HSPA1L: variants seen among roughly 807,000 people sequenced by gnomAD.
HSPA1L encodes the protein heat shock protein family A (Hsp70) member 1 like.
In HSPA1L, 21 loss-of-function variants were observed where a neutral mutation model predicts 31.5. The observed-to-expected ratio is 0.67, with a 90% CI of 0.47 to 0.96. HSPA1L has a LOEUF of 0.96. Among genes scored for constraint, HSPA1L ranks in the 40% least tolerant of loss-of-function variants. The pLI, the probability that HSPA1L is intolerant of heterozygous loss-of-function variation, is 0.00. For synonymous variants in HSPA1L, 293 were observed against 323.1 expected (o/e 0.91, Z 1.00); for missense variants, 709 against 813.4 (o/e 0.87, Z 1.56).
chr6:31,814,204 CGAGACCATCCTG>C (rs1258951342), intron 1 of HSPA1L, among the ~76,000 whole-genome samples: 1 of 152,080 alleles, frequency 6.6e-6, no homozygotes, highest in East Asian at 1.9e-4. Flanking sequence ...GTCAGGAGAA[CGAGACCATCCTG>C]GCTACCATCC....
At position 31,810,632 on chromosome 6, in the gene HSPA1L, G is replaced by A. The variant is rs1562340252; in HGVS notation, c.1341C>T (p.Gly447=). The change falls in exon 2 of 2, where the codon GGC becomes GGT. Residue 447 remains glycine (G), a synonymous_variant. Coordinates refer to ENST00000375654, the MANE Select transcript of HSPA1L (RefSeq NM_005527.4). ...TGTTGTCCTTTGTCATGGCCCTCTC[G>A]CCCTCATACACCTGGATCAGCACCC... ...QPGVLIQVYE[G]ERAMTKDNNL... 4.3e-6 allele frequency: 7 copies of A among 1,613,862 alleles called. No individual in the cohort carries two copies. The highest frequency in any genetic ancestry group is 3.3e-5 in the South Asian group (3 of 91,080).
chr6:31,810,968 G>A lies in HSPA1L; in HGVS notation c.1005C>T (p.Asp335=). The A allele has an allele frequency of 6.2e-7, 1 of 1,614,190 alleles. No individual in the cohort carries two copies. Among genetic ancestry groups the A allele is most frequent in the South Asian group, 1.1e-5 (1 of 91,092 alleles). Residue 335 remains aspartate (D), a synonymous_variant, in exon 2 of 2, where the codon GAC becomes GAT. Coordinates refer to ENST00000375654, the MANE Select transcript of HSPA1L (RefSeq NM_005527.4). ...DAKMDKAKIH[D]IVLVGGSTRI... ...GGGTGGAGCCCCCTACTAAAACAAT[G>A]TCATGGATTTTAGCCTTATCCATCT...
chr6:31,811,666 G>T lies in HSPA1L; in HGVS notation c.307C>A (p.Pro103Thr). The T allele has an allele frequency of 6.2e-7, 1 of 1,614,162 alleles. No individual in the cohort carries two copies. The highest frequency in any genetic ancestry group is 8.5e-7 in the Non-Finnish European group (1 of 1,180,034). Residue 103 changes from proline to threonine, a missense_variant, in exon 2 of 2, where the codon CCC (proline) becomes ACC (threonine). By Grantham distance (38) the Pro-to-Thr change is conservative. Coordinates refer to ENST00000375654, the MANE Select transcript of HSPA1L (RefSeq NM_005527.4). ...CCTTTGTAGGACACAAGGACTTTGG[G>T]CTTGCCTCCTTCATTAATCACTTGA... ...PFQVINEGGK[P>T]KVLVSYKGEN...
chr6:31,810,597 C>T lies in HSPA1L; in HGVS notation c.1376G>A (p.Gly459Glu), dbSNP rs898088646. 6.8e-6 allele frequency: 11 copies of T among 1,613,948 alleles called. No homozygotes were observed. The African/African-American group carries it at 1.3e-4, about 20-fold the overall frequency. ...RAMTKDNNLL[G>E]RFDLTGIPPA... is the part of the protein sequence containing the mutation. ...AGGGATTCCAGTCAGGTCAAACCGC[C>T]CCAGCAGGTTGTTGTCCTTTGTCAT... The change falls in exon 2 of 2, where the codon GGG (glycine) becomes GAG (glutamate). Residue 459 changes from glycine to glutamate, a missense_variant. By Grantham distance (98) the Gly-to-Glu change is moderately conservative (BLOSUM62 -2). Coordinates refer to ENST00000375654, the MANE Select transcript of HSPA1L (RefSeq NM_005527.4).
At position 31,810,037 on chromosome 6, in the gene HSPA1L, C is replaced by T; in HGVS notation, c.*10G>A. On this transcript the variant is annotated 3_prime_UTR_variant, in exon 2 of 2. Transcript: ENST00000375654. The stretch of plus-strand genomic sequence containing the variant: ...AGAGGCATCCTAGGATGCTTCAGTT[C>T]TAAAAAGAATTAATCTACTTCTTCA... 1 of 1,412,058 alleles carries T rather than the reference C, an allele frequency of 7.1e-7. No homozygotes were observed. Among genetic ancestry groups the T allele is most frequent in the Non-Finnish European group, 9.2e-7 (1 of 1,081,362 alleles). 87.5% of individuals were successfully genotyped at this position (1,412,058 alleles called of 1,614,324 possible).
intron 1 of HSPA1L, among the ~76,000 whole-genome samples, chr6:31,812,461 C>T (rs1366649116): frequency 2.0e-5 from 3 of 152,028 alleles, no homozygotes; most frequent in Non-Finnish European, 4.4e-5. Flanking sequence ...ACGTGAGCCA[C>T]CGTGACCAGC....
Position 31,811,668 on chromosome 6 carries a change from T to A in HSPA1L, c.305A>T (p.Lys102Met), listed in dbSNP as rs749076420. 6.2e-7 allele frequency: 1 copy of A among 1,614,236 alleles called. No individual in the cohort carries two copies. Among genetic ancestry groups the A allele is most frequent in the South Asian group, 1.1e-5 (1 of 91,088 alleles). ...WPFQVINEGG[K>M]PKVLVSYKGE... ...TTTGTAGGACACAAGGACTTTGGGC[T>A]TGCCTCCTTCATTAATCACTTGAAA... is the stretch of plus-strand genomic sequence containing the variant. Residue 102 changes from lysine to methionine, a missense_variant, in exon 2 of 2, where the codon AAG becomes ATG. Lys to Met is a moderately conservative substitution (Grantham distance 95). Transcript: ENST00000375654.
rs759422957 is a variant in HSPA1L, at chr6:31,810,252, T to C, written c.1721A>G (p.Asp574Gly). 1 of 1,527,394 alleles carries C rather than the reference T, an allele frequency of 6.5e-7. No homozygotes were observed. Among genetic ancestry groups the C allele is most frequent in the African/African-American group, 1.4e-5 (1 of 71,986 alleles). The allele number at this position is 1,527,394 out of a possible 1,614,324, so 94.6% of individuals were successfully genotyped here. Residue 574 changes from aspartate (D) to glycine (G), a missense_variant, in exon 2 of 2, where the codon GAT becomes GGT. Transcript: ENST00000375654. ...CCACGAAAGGAGCTCGTTGCATTTA[T>C]CCAATATTTTATTTTTATCAGACTC... Reference protein sequence around the residue: ...ISESDKNKILDKCNELLSWLE... With the variant: ...ISESDKNKILGKCNELLSWLE...
At position 31,810,124 on chromosome 6, in the gene HSPA1L, A is replaced by G. The variant is rs1815302492; in HGVS notation, c.1849T>C (p.Cys617Arg). ...CCTGTTCCGCAGGCAGGCCCAGTGC[A>G]TCCTCCTTGGTAGAGTTTTGTGATG... Reference protein sequence around the residue: ...PIITKLYQGGCTGPACGTGYV... With the variant: ...PIITKLYQGGRTGPACGTGYV... The change falls in exon 2 of 2, where the codon TGC (cysteine) becomes CGC (arginine). Residue 617 changes from cysteine (C) to arginine (R), a missense_variant. Transcript: ENST00000375654. 2.0e-6 allele frequency: 3 copies of G among 1,497,656 alleles called. No homozygotes were observed. The highest frequency in any genetic ancestry group is 2.7e-6 in the Non-Finnish European group (3 of 1,128,030). The allele number at this position is 1,497,656 out of a possible 1,614,324, so 92.8% of individuals were successfully genotyped here.
rs369425515 is a variant in HSPA1L, at chr6:31,811,898, G to A, written c.75C>T (p.His25=). 2.0e-5 allele frequency: 33 copies of A among 1,614,174 alleles called. No individual in the cohort carries two copies. In the African/African-American group the frequency reaches 3.5e-4, roughly 17 times the overall value. The part of the protein sequence containing the change: ...TTYSCVGVFQ[H]GKVEIIANDQ... ...CGTTGGCGATGATCTCCACCTTGCCGTGCTGGAACACCCCCACACAGGAGT... is the reference window on the plus strand; with the variant it reads ...CGTTGGCGATGATCTCCACCTTGCCATGCTGGAACACCCCCACACAGGAGT... Residue 25 remains histidine (H), a synonymous_variant, in exon 2 of 2, where the codon CAC becomes CAT. Coordinates refer to ENST00000375654, the MANE Select transcript of HSPA1L (RefSeq NM_005527.4).
At position 31,810,999 on chromosome 6, in the gene HSPA1L, T is replaced by A; in HGVS notation, c.974A>T (p.Asp325Val). The A allele has an allele frequency of 6.2e-7, 1 of 1,614,190 alleles. No individual in the cohort carries two copies. The highest frequency in any genetic ancestry group is 8.5e-7 in the Non-Finnish European group (1 of 1,180,028). The change falls in exon 2 of 2, where the codon GAT (aspartate) becomes GTT (valine). Residue 325 changes from aspartate (D) to valine (V), a missense_variant. Asp to Val is a radical substitution (Grantham distance 152). Coordinates refer to ENST00000375654, the MANE Select transcript of HSPA1L (RefSeq NM_005527.4). The part of the protein sequence containing the change: ...TLEPVEKALR[D>V]AKMDKAKIHD... The stretch of plus-strand genomic sequence containing the variant: ...GATTTTAGCCTTATCCATCTTGGCA[T>A]CCCGAAGCGCTTTTTCTACAGGCTC...
intron 1 of HSPA1L, among the ~76,000 whole-genome samples, chr6:31,814,259 A>G (rs1815670681): frequency 6.6e-6 from 1 of 152,208 alleles, no homozygotes; most frequent in Non-Finnish European, 1.5e-5. Context: ...TCTCTACTAA[A>G]AAATAGAAAA....
At position 31,811,047 on chromosome 6, in the gene HSPA1L, G is replaced by A. The variant is rs1480067363; in HGVS notation, c.926C>T (p.Ala309Val). 3.1e-6 allele frequency: 5 copies of A among 1,614,218 alleles called. No homozygotes were observed. The highest frequency in any genetic ancestry group is 2.2e-5 in the East Asian group (1 of 44,878). ...CTCCAGGGTACCCCTAAACAGGTCT[G>A]CACACAACTCTTCAAATCGAGCTCT... ...ITRARFEELC[A>V]DLFRGTLEPV... Residue 309 changes from alanine (A) to valine (V), a missense_variant, in exon 2 of 2, where the codon GCA becomes GTA. Ala to Val is a moderately conservative substitution (Grantham distance 64). Transcript: ENST00000375654.
At chr6:31,814,145 A>C (rs971484108) in intron 1 of HSPA1L, among the ~76,000 whole-genome samples, 5 of 152,208 alleles carry the variant, frequency 3.3e-5, no homozygotes, top group Non-Finnish European at 5.9e-5. Context: ...GCGGTGGCTC[A>C]CGCCTGTAAT....
chr6:31,810,231 G>A lies in HSPA1L; in HGVS notation c.1742C>T (p.Ser581Leu), dbSNP rs371717441. Residue 581 changes from serine to leucine, a missense_variant, in exon 2 of 2, where the codon TCG becomes TTG. Coordinates refer to ENST00000375654, the MANE Select transcript of HSPA1L (RefSeq NM_005527.4). The stretch of plus-strand genomic sequence containing the variant: ...TGCCAGTTGATTGACCTCCAGCCAC[G>A]AAAGGAGCTCGTTGCATTTATCCAA... ...KILDKCNELL[S>L]WLEVNQLAEK... 9.2e-6 allele frequency: 14 copies of A among 1,524,390 alleles called. No homozygotes were observed. The highest frequency in any genetic ancestry group is 1.3e-5 in the South Asian group (1 of 74,628). 94.4% of individuals were successfully genotyped at this position (1,524,390 alleles called of 1,614,324 possible).
Position 31,814,996 on chromosome 6 carries a change from A to ACCCCCCC in HSPA1L, c.-122_-121insGGGGGGG. The ACCCCCCC allele has an allele frequency of 6.6e-6, 1 of 151,628 alleles. No individual in the cohort carries two copies. The highest frequency in any genetic ancestry group is 5.2e-5 in the African/African-American group (1 of 19,226). 9.4% of individuals were successfully genotyped at this position (151,628 alleles called of 1,614,324 possible). On this transcript the variant is annotated 5_prime_UTR_variant, in exon 1 of 2. It introduces an in-frame stop codon into an upstream open reading frame of the 5' UTR. Coordinates refer to ENST00000375654, the MANE Select transcript of HSPA1L (RefSeq NM_005527.4). ...CAAACTGCACAACCGGGGTCCCCCC[A>ACCCCCCC]CCCCCCACCCCGTCCCTCCCTGCAA...
Position 31,810,166 on chromosome 6 carries a change from G to A in HSPA1L, c.1807C>T (p.Gln603Ter). 1 of 1,528,572 alleles carries A rather than the reference G, an allele frequency of 6.5e-7. No individual in the cohort carries two copies. The highest frequency in any genetic ancestry group is 2.3e-5 in the East Asian group (1 of 44,068). The allele number at this position is 1,528,572 out of a possible 1,614,324, so 94.7% of individuals were successfully genotyped here. A position where few individuals can be genotyped will look rare whatever the true frequency, so the allele number is the denominator to read the frequency against. ...EFDHKRKELE[Q>*]MCNPIITKLY... ...TTTGTGATGATAGGGTTACACATCTGCTCCAATTCCTTTCTCTTATGATCA... is the reference window on the plus strand; with the variant it reads ...TTTGTGATGATAGGGTTACACATCTACTCCAATTCCTTTCTCTTATGATCA... The change falls in exon 2 of 2, where the codon CAG (glutamine) becomes TAG (stop). Residue 603 changes from glutamine (Q) to a stop codon, truncating the protein, a stop_gained. Coordinates refer to ENST00000375654, the MANE Select transcript of HSPA1L (RefSeq NM_005527.4). LOFTEE classifies it high-confidence loss of function.
intron 1 of HSPA1L, among the ~76,000 whole-genome samples, chr6:31,813,053 C>G (rs1815542535): frequency 6.6e-6 from 1 of 152,180 alleles, no homozygotes; most frequent in Admixed American, 6.6e-5. Flanking sequence ...CTCCTGAGCT[C>G]AAGGAAACCT....
rs566332175 is a variant in HSPA1L, at chr6:31,810,753, G to A, written c.1220C>T (p.Thr407Met). Reference protein sequence around the residue: ...DVAPLSLGLETAGGVMTALIK... With the variant: ...DVAPLSLGLEMAGGVMTALIK... Reference sequence around the variant, plus strand: ...CAGGGCAGTCATCACGCCCCCAGCCGTCTCCAGCCCCAGGGACAGGGGAGC... The same window carrying A: ...CAGGGCAGTCATCACGCCCCCAGCCATCTCCAGCCCCAGGGACAGGGGAGC... Residue 407 changes from threonine (T) to methionine (M), a missense_variant, in exon 2 of 2, where the codon ACG (threonine) becomes ATG (methionine). Coordinates refer to ENST00000375654, the MANE Select transcript of HSPA1L (RefSeq NM_005527.4). 16 of 1,614,034 alleles carry A rather than the reference G, an allele frequency of 9.9e-6. No individual in the cohort carries two copies. Among genetic ancestry groups the A allele is most frequent in the South Asian group, 2.2e-5 (2 of 91,078 alleles).
Sources: gnomAD v4.1 joint callset for allele counts (sites outside exome capture counted in the v4.1 genomes callset) on GRCh38, gnomAD v4.1.1 for gene constraint, MANE v1.5 for transcripts, NCBI Gene and HGNC (gene_info 2026-07-23, HGNC 2026-07-21) for gene names.